Variants in EDNRB observed in about 807,000 individuals in gnomAD.
EDNRB encodes the protein endothelin receptor type B, also known as Hirschsprung disease 2.
EDNRB carries 18 observed loss-of-function variants against 46.4 expected under a neutral mutation model. The observed-to-expected ratio is 0.39, with a 90% CI of 0.27 to 0.57. The LOEUF is 0.57. Among genes scored for constraint, EDNRB ranks in the 20% least tolerant of loss-of-function variants. The pLI is 0.61. For missense variants in EDNRB, 434 were observed against 537.5 expected (o/e 0.81, Z 1.90); for synonymous variants, 213 against 204.9 (o/e 1.04, Z -0.34).
At chr13:77,955,847 A>G (rs201486525) in intron 1 of EDNRB, among the ~76,000 whole-genome samples, 2 of 74,926 alleles carry the variant, frequency 2.7e-5, no homozygotes, top group Admixed American at 1.6e-4. Flanking sequence ...GTGTGTGTGT[A>G]TCTATCTATC....
At chr13:77,898,958 G>T (rs1221336944) in intron 6 of EDNRB, among the ~76,000 whole-genome samples, 2 of 151,588 alleles carry the variant, frequency 1.3e-5, no homozygotes, top group East Asian at 1.9e-4. Flanking sequence ...AAACAATAAG[G>T]TTATATAGTA....
intron 1 of EDNRB, among the ~76,000 whole-genome samples, chr13:77,944,406 T>C (rs899619337): frequency 6.6e-6 from 1 of 152,124 alleles, no homozygotes; most frequent in African/African-American, 2.4e-5. Flanking sequence ...GAATGAACTT[T>C]AGTAACTCAC....
At chr13:77,917,724 A>T (rs1310158331) in intron 1 of EDNRB, among the ~76,000 whole-genome samples, 1 of 152,206 alleles carries the variant, frequency 6.6e-6, no homozygotes, top group Non-Finnish European at 1.5e-5. Context: ...AGGGCTTGTT[A>T]AAATACAAAT....
chr13:77,958,742 C>G (rs867434871), intron 1 of EDNRB, among the ~76,000 whole-genome samples: 1 of 152,314 alleles, frequency 6.6e-6, no homozygotes, highest in East Asian at 1.9e-4. Flanking sequence ...TAAACAAGAT[C>G]TAAAGAAGTT....
At position 77,918,143 on chromosome 13, in the gene EDNRB, G is replaced by T; in HGVS notation, c.431C>A (p.Ala144Asp). 6.2e-7 allele frequency: 1 copy of T among 1,614,174 alleles called. No individual in the cohort carries two copies. Among genetic ancestry groups the T allele is most frequent in the Non-Finnish European group, 8.5e-7 (1 of 1,180,038 alleles). Residue 144 changes from alanine (A) to aspartate (D), a missense_variant, in exon 1 of 7, where the codon GCT becomes GAT. Physicochemically the swap from Ala to Asp is moderately radical, Grantham distance 126. Coordinates refer to ENST00000646607, the MANE Select transcript of EDNRB (RefSeq NM_001122659.3). The surrounding 1 kb of genome is among the most constrained non-coding windows in gnomAD (Gnocchi z 4.5). ...GACGATGTGCAGCAGGTCTCCCAGA[G>T]CCAAGCTGGCGATCAAGATATTGGG... ...NGPNILIASL[A>D]LGDLLHIVID... is the part of the protein sequence containing the mutation.
rs982838025 is a variant in EDNRB at position 77,896,053 on chromosome 13, A to T, written c.*2147T>A. On this transcript the variant is annotated 3_prime_UTR_variant, in exon 7 of 7. Transcript: ENST00000646607. ...GTTTTGAGTATGTAAAGAAATTATA[A>T]TTGTTTCTTACTTATCAGTATGTTA... is the stretch of plus-strand genomic sequence containing the variant. 1 of 153,546 alleles carries T rather than the reference A, an allele frequency of 6.5e-6. No homozygotes were observed. The highest frequency in any genetic ancestry group is 2.4e-5 in the African/African-American group (1 of 41,452). 9.5% of individuals were successfully genotyped at this position (153,546 alleles called of 1,614,324 possible). A position where few individuals can be genotyped will look rare whatever the true frequency, so the allele number is the denominator to read the frequency against.
chr13:77,907,930 T>A (rs955792177), intron 1 of EDNRB, among the ~76,000 whole-genome samples: 1 of 148,098 alleles, frequency 6.8e-6, no homozygotes, highest in Non-Finnish European at 1.5e-5. Context: ...ATAACAATGC[T>A]CTTCAAGCTC....
chr13:77,962,330 A>G (rs1219218967), intron 1 of EDNRB, among the ~76,000 whole-genome samples: 1 of 152,212 alleles, frequency 6.6e-6, no homozygotes, highest in Non-Finnish European at 1.5e-5. Flanking sequence ...ACAACAAAAA[A>G]AAGAGTATTG....
At chr13:77,913,810 A>G (rs1594369803) in intron 1 of EDNRB, among the ~76,000 whole-genome samples, 1 of 152,182 alleles carries the variant, frequency 6.6e-6, no homozygotes. Context: ...TTTGATATCT[A>G]TGCTTCTACA....
intron 6 of EDNRB, 122 bp from the exon 7 acceptor site, chr13:77,898,456 C>T: frequency 7.3e-7 from 1 of 1,375,012 alleles, no homozygotes; most frequent in South Asian, 1.3e-5. Flanking sequence ...TCTTTCAGTG[C>T]TCTTTTATTT....
At chr13:77,954,738 C>G (rs61963149) in intron 1 of EDNRB, among the ~76,000 whole-genome samples, 5,201 of 152,142 alleles carry the variant, frequency 0.034, 142 homozygotes, top group Non-Finnish European at 0.049. Flanking sequence ...AACTCCTGAC[C>G]TCAGGTAGTC....
intron 1 of EDNRB, among the ~76,000 whole-genome samples, chr13:77,909,806 A>T (rs2137625614): frequency 6.6e-6 from 1 of 152,078 alleles, no homozygotes; most frequent in South Asian, 2.1e-4. Flanking sequence ...TTCAGTTCTC[A>T]TACTCTACAT....
rs548023225 is a variant in EDNRB, at chr13:77,918,533, G to A, written c.41C>T (p.Ala14Val). The change falls in exon 1 of 7, where the codon GCG becomes GTG. Residue 14 changes from alanine (A) to valine (V), a missense_variant. By Grantham distance (64) the Ala-to-Val change is moderately conservative (BLOSUM62 0). Transcript: ENST00000646607. The surrounding 1 kb of genome is among the most constrained non-coding windows in gnomAD (Gnocchi z 4.5). ...CGACAGGCCGCAGGCAAGAACCAGCGCAACCAGGGCGCGTCCGCACAGACT... is the reference window on the plus strand; with the variant it reads ...CGACAGGCCGCAGGCAAGAACCAGCACAACCAGGGCGCGTCCGCACAGACT... Reference protein sequence around the residue: ...PPSLCGRALVALVLACGLSRI... With the variant: ...PPSLCGRALVVLVLACGLSRI... The A allele has an allele frequency of 1.2e-5, 19 of 1,593,944 alleles. No homozygotes were observed. Among genetic ancestry groups the A allele is most frequent in the Non-Finnish European group, 1.4e-5 (17 of 1,172,914 alleles).
intron 1 of EDNRB, among the ~76,000 whole-genome samples, chr13:77,945,876 C>CA (rs67463440): frequency 0.11 from 12,823 of 115,434 alleles, 597 homozygotes; most frequent in Non-Finnish European, 0.12. Flanking sequence ...TGCAAAAAAC[C>CA]AAAAAAAAAA....
At position 77,903,586 on chromosome 13, in the gene EDNRB, A is replaced by G; in HGVS notation, c.505T>C (p.Phe169Leu). 3 of 1,612,760 alleles carry G rather than the reference A, an allele frequency of 1.9e-6. No individual in the cohort carries two copies. Among genetic ancestry groups the G allele is most frequent in the Non-Finnish European group, 2.5e-6 (3 of 1,179,198 alleles). ...ACCAGCTTACACATCTCAGCTCCAA[A>G]TGGCCAGTCCTCTGCCAGCAGCTGC... ...VYKLLAEDWPFGAEMCKLVPF... is the reference protein window; with the variant it reads ...VYKLLAEDWPLGAEMCKLVPF... The change falls in exon 2 of 7, where the codon TTT (phenylalanine) becomes CTT (leucine). Residue 169 changes from phenylalanine to leucine, a missense_variant. Coordinates refer to ENST00000646607, the MANE Select transcript of EDNRB (RefSeq NM_001122659.3).
intron 1 of EDNRB, among the ~76,000 whole-genome samples, chr13:77,957,237 A>T (rs778216604): frequency 6.6e-6 from 1 of 152,204 alleles, no homozygotes; most frequent in Non-Finnish European, 1.5e-5. Flanking sequence ...AGTATTATCC[A>T]CCAGCTGCAC....
In EDNRB at chr13:77,918,360, G is replaced by A. The variant is rs150750272; in HGVS notation, c.214C>T (p.Pro72Ser). 24 of 1,611,906 alleles carry A rather than the reference G, an allele frequency of 1.5e-5. No homozygotes were observed. In the African/African-American group the frequency reaches 2.7e-4, roughly 18 times the overall value. The change falls in exon 1 of 7, where the codon CCT (proline) becomes TCT (serine). Residue 72 changes from proline (P) to serine (S), a missense_variant. Physicochemically the swap from Pro to Ser is moderately conservative, Grantham distance 74. Coordinates refer to ENST00000646607, the MANE Select transcript of EDNRB (RefSeq NM_001122659.3). The surrounding 1 kb of genome is among the most constrained non-coding windows in gnomAD (Gnocchi z 4.5). ...LARSLAPAEV[P>S]KGDRTAGSPP... is the part of the protein sequence containing the mutation. ...GATCCTGCCGTCCTGTCTCCTTTAG[G>A]CACCTCCGCAGGTGCCAACGACCGC...
intron 1 of EDNRB, among the ~76,000 whole-genome samples, chr13:77,960,946 A>T (rs553131110): frequency 6.6e-6 from 1 of 152,304 alleles, no homozygotes; most frequent in African/African-American, 2.4e-5. Context: ...AGAGACAAAG[A>T]AGGCCATTAC....
At position 77,952,108 on chromosome 13, in the gene EDNRB, T is replaced by C. The variant is rs568160849; in HGVS notation, c.-52+23239A>G. Among the ~76,000 whole-genome samples the C allele has an allele frequency of 5.9e-5, 9 of 152,232 alleles. 1 individual carries two copies. In the East Asian group the frequency reaches 1.7e-3, roughly 29 times the overall value. ...CCCAAGAGAGGGCTCTTGGATCTCATGCAAGAAAGAATTTAGGGAGCGCAA... is the reference window on the plus strand; with the variant it reads ...CCCAAGAGAGGGCTCTTGGATCTCACGCAAGAAAGAATTTAGGGAGCGCAA... On this transcript the variant is annotated intron_variant, in intron 1 of 7. Transcript: ENST00000646948.
Sources: gnomAD v4.1 joint callset for allele counts (sites outside exome capture counted in the v4.1 genomes callset) on GRCh38, gnomAD v4.1.1 for gene constraint, Gnocchi (gnomAD v3.1) non-coding constraint, MANE v1.5 for transcripts, NCBI Gene and HGNC (gene_info 2026-07-23, HGNC 2026-07-21) for gene names.